SPATA7: variants seen among roughly 807,000 people sequenced by gnomAD.
SPATA7 encodes the protein spermatogenesis-associated protein 7.
Under a neutral mutation model 51.8 loss-of-function variants are expected in SPATA7, and 43 were observed. That is an observed-to-expected ratio of 0.83 (90% CI 0.65 to 1.07). The LOEUF (loss-of-function observed/expected upper bound fraction) is 1.07. Among genes scored for constraint, SPATA7 ranks in the 50% least tolerant of loss-of-function variants. The probability of loss-of-function intolerance (pLI) is 0.00; values close to 1 mark genes in which losing one functional copy is unlikely to be tolerated. For synonymous variants in SPATA7, 230 were observed against 252.8 expected, an observed-to-expected ratio of 0.91 and a Z score of 0.86; for missense variants, 683 against 701.3, an observed-to-expected ratio of 0.97 and a Z score of 0.30.
chr14:88,445,027 C>G lies in SPATA7; in HGVS notation c.177+7124C>G, dbSNP rs1338619255. Among the ~76,000 whole-genome samples the G allele has an allele frequency of 1.6e-4, 25 of 152,072 alleles. 1 individual carries two copies. In the South Asian group the frequency reaches 4.4e-3, roughly 27 times the overall value. The stretch of plus-strand genomic sequence containing the variant: ...TTTTTTCCAGTTCTGTGAAGAAAGT[C>G]ATTGGTAGCTTGATGGGGATGGCAT... On this transcript the variant is annotated intron_variant, in intron 3 of 3. Transcript: ENST00000554802.
chr14:88,391,836 T>G, intron 2 of SPATA7: 2 of 227,182 alleles, frequency 8.8e-6, no homozygotes, highest in South Asian at 5.9e-5. Context: ...AATAATACAT[T>G]TCCTATTAGG....
At chr14:88,431,762 T>A (rs1459493173) in intron 9 of SPATA7, among the ~76,000 whole-genome samples, 2 of 152,206 alleles carry the variant, frequency 1.3e-5, no homozygotes, top group Admixed American at 6.5e-5. Flanking sequence ...CCATGTTCCA[T>A]CCATGTTGCC....
Position 88,469,458 on chromosome 14 carries a change from C to T in SPATA7, c.255-389C>T. 6.7e-7 allele frequency: 1 copy of T among 1,501,116 alleles called. No homozygotes were observed. Among genetic ancestry groups the T allele is most frequent in the Non-Finnish European group, 9.3e-7 (1 of 1,078,154 alleles). 93.0% of individuals were successfully genotyped at this position (1,501,116 alleles called of 1,614,324 possible). On this transcript the variant is annotated intron_variant, in intron 4 of 4. Coordinates refer to the SPATA7 transcript ENST00000556406. This position sits in a 1 kb window ranked among gnomAD's most constrained non-coding sequence, Gnocchi z 4.3. ...AAATGTTCCTCTCTGTTTAACACCT[C>T]CAGAGGCAGCTGTCCTCGGAACAAA...
At chr14:88,434,288 T>C (rs2077017034) in intron 10 of SPATA7, among the ~76,000 whole-genome samples, 1 of 151,276 alleles carries the variant, frequency 6.6e-6, no homozygotes, top group Admixed American at 6.6e-5. Flanking sequence ...TTGAATAAAC[T>C]GTGGAATATA....
At chr14:88,456,183 CAT>C (rs1399980486), downstream of SPATA7, among the ~76,000 whole-genome samples, 4 of 151,990 alleles carry the variant, frequency 2.6e-5, no homozygotes, top group African/African-American at 4.8e-5. Flanking sequence ...CTGCAATAAA[CAT>C]GTGTGCATGT....
chr14:88,431,254 C>T, intron 9 of SPATA7, 29 bp downstream of exon 9: 1 of 1,585,580 alleles, frequency 6.3e-7, no homozygotes, highest in Non-Finnish European at 8.7e-7. Context: ...CTTCGTTTTG[C>T]ATAGTGGAAT....
chr14:88,404,610 G>C (rs908943913), intron 4 of SPATA7, among the ~76,000 whole-genome samples: 1 of 151,986 alleles, frequency 6.6e-6, no homozygotes, highest in East Asian at 1.9e-4. Context: ...CCAGCTACTC[G>C]GGAGGCTGAG....
chr14:88,427,233 A>G (rs1449688025), intron 6 of SPATA7, among the ~76,000 whole-genome samples: 2 of 152,234 alleles, frequency 1.3e-5, no homozygotes, highest in Admixed American at 1.3e-4. Context: ...TTTCAAATAC[A>G]GTAGTGCCTG....
intron 4 of SPATA7, chr14:88,406,796 C>G (rs1310515460): frequency 6.6e-6 from 1 of 152,094 alleles, no homozygotes; most frequent in Non-Finnish European, 1.5e-5. Context: ...GTGTGATGTT[C>G]CCCTCCTGGT....
intron 11 of SPATA7, 24 bp downstream of exon 11, chr14:88,437,621 T>C: frequency 6.5e-7 from 1 of 1,539,518 alleles, no homozygotes; most frequent in Non-Finnish European, 9.0e-7. Context: ...TATAACTTCA[T>C]TAGAAAAATT....
chr14:88,452,808 A>C (rs10147581), intron 3 of SPATA7, among the ~76,000 whole-genome samples: 8,083 of 152,126 alleles, frequency 0.053, 679 homozygotes, highest in African/African-American at 0.18. Flanking sequence ...AAAGTCCAGG[A>C]CCTTTGGCAT....
chr14:88,387,585 T>C (rs1268798446), intron 1 of SPATA7, among the ~76,000 whole-genome samples: 1 of 152,202 alleles, frequency 6.6e-6, no homozygotes, highest in Non-Finnish European at 1.5e-5. Flanking sequence ...AGAAAAATTA[T>C]CTTTTGTCAT....
chr14:88,404,182 T>TTA (rs1305474667), intron 4 of SPATA7, among the ~76,000 whole-genome samples: 1 of 152,194 alleles, frequency 6.6e-6, no homozygotes, highest in Non-Finnish European at 1.5e-5. Context: ...GCATATCTTG[T>TTA]TATAAGATAG....
rs139637089 is a variant in SPATA7, at chr14:88,451,881, T to C, written c.178-3179T>C. ...ACTTTACCTTTCTCTGGTGCCTCCT[T>C]GATTGACTTAATAGTTGACCTTCTG... On this transcript the variant is annotated intron_variant, in intron 3 of 3. Coordinates refer to the SPATA7 transcript ENST00000554802. 1.6e-3 allele frequency among the ~76,000 whole-genome samples: 246 copies of C among 152,316 alleles called. 2 individuals are homozygous for C. Among genetic ancestry groups the C allele is most frequent in the African/African-American group, 5.6e-3 (234 of 41,560 alleles).
downstream of SPATA7, among the ~76,000 whole-genome samples, chr14:88,438,997 G>A (rs770062574): frequency 6.6e-6 from 1 of 152,300 alleles, no homozygotes; most frequent in South Asian, 2.1e-4. Flanking sequence ...ATATACAAGG[G>A]TGTGAATGCC....
At chr14:88,409,061 G>C (rs2076270761) in intron 4 of SPATA7, among the ~76,000 whole-genome samples, 1 of 152,136 alleles carries the variant, frequency 6.6e-6, no homozygotes, top group African/African-American at 2.4e-5. Context: ...ATATTGGCCT[G>C]AAATTTTTTT....
chr14:88,385,839 TA>T lies in SPATA7; in HGVS notation c.19+5del. On this transcript the variant is annotated splice_donor_region_variant and intron_variant, in intron 1 of 11. Coordinates refer to ENST00000393545, the MANE Select transcript of SPATA7 (RefSeq NM_018418.5). ...TAAGCATGGATGGCAGCCGGAGAGG[TA>T]AAGGGCAGCTGTCAGGGGCTACCGC... The T allele has an allele frequency of 6.2e-7, 1 of 1,602,070 alleles. No homozygotes were observed. The highest frequency in any genetic ancestry group is 8.5e-7 in the Non-Finnish European group (1 of 1,175,188).
rs552346553 is a variant in SPATA7 at position 88,445,453 on chromosome 14, T to C, written c.177+7550T>C. Among the ~76,000 whole-genome samples the C allele has an allele frequency of 2.0e-4, 31 of 152,302 alleles. 1 individual carries two copies. In the South Asian group the frequency reaches 6.2e-3, roughly 31 times the overall value. ...CAAACAGGGACAGTTTGACTTCCTC[T>C]TTTCCTAACTGAATACCCTTTATTT... On this transcript the variant is annotated intron_variant, in intron 3 of 3. Coordinates refer to the SPATA7 transcript ENST00000554802.
intron 3 of SPATA7, among the ~76,000 whole-genome samples, chr14:88,450,520 G>T (rs1409639591): frequency 6.6e-6 from 1 of 152,098 alleles, no homozygotes; most frequent in Non-Finnish European, 1.5e-5. Flanking sequence ...GCATTTGTTT[G>T]TCTGAAGAAG....
Sources: gnomAD v4.1 joint callset for allele counts (sites outside exome capture counted in the v4.1 genomes callset) on GRCh38, gnomAD v4.1.1 for gene constraint, Gnocchi (gnomAD v3.1) non-coding constraint, MANE v1.5 for transcripts, NCBI Gene and HGNC (gene_info 2026-07-23, HGNC 2026-07-21) for gene names.